Variants in LRRC8D observed in about 807,000 individuals in gnomAD.
LRRC8D encodes the protein leucine rich repeat containing 8 VRAC subunit D, also known as volume-regulated anion channel subunit LRRC8D.
A neutral mutation model predicts 55.8 loss-of-function variants in LRRC8D; 20 were observed. The observed-to-expected ratio is 0.36, with a 90% confidence interval of 0.25 to 0.52. The LOEUF is 0.52. LRRC8D is among the 20% of genes least tolerant of loss of function. The pLI, the probability that LRRC8D is intolerant of heterozygous loss-of-function variation, is 0.93. For missense variants in LRRC8D, 651 were observed against 1,030.8 expected, an observed-to-expected ratio of 0.63 and a Z score of 5.05; for synonymous variants, 352 against 377.0, an observed-to-expected ratio of 0.93 and a Z score of 0.77.
chr1:89,864,752 A>T (rs978132228), intron 2 of LRRC8D, among the ~76,000 whole-genome samples: 1 of 152,170 alleles, frequency 6.6e-6, no homozygotes, highest in Non-Finnish European at 1.5e-5. Flanking sequence ...TTGCCGCAGG[A>T]AACCTCAGCC....
chr1:89,860,756 CAAAAAAAAAAA>C (rs1181859656), intron 2 of LRRC8D, among the ~76,000 whole-genome samples: 1 of 18,846 alleles, frequency 5.3e-5, no homozygotes, highest in African/African-American at 2.3e-4. Flanking sequence ...GACTCTATCT[CAAAAAAAAAAA>C]AAAAAAAAAA....
intron 2 of LRRC8D, among the ~76,000 whole-genome samples, chr1:89,872,147 T>A (rs1002054571): frequency 6.6e-6 from 1 of 152,242 alleles, no homozygotes; most frequent in African/African-American, 2.4e-5. Flanking sequence ...TTGGGACAAG[T>A]GCCATAGTTT....
intron 2 of LRRC8D, among the ~76,000 whole-genome samples, chr1:89,849,094 T>G (rs1042952675): frequency 3.3e-5 from 5 of 152,196 alleles, no homozygotes; most frequent in Non-Finnish European, 7.3e-5. Flanking sequence ...TTGTGCAGTC[T>G]CCAACACTAA....
chr1:89,889,797 C>T (rs374225295), intron 2 of LRRC8D, among the ~76,000 whole-genome samples: 3 of 137,076 alleles, frequency 2.2e-5, no homozygotes, highest in South Asian at 2.4e-4. Context: ...GTAGGAGGAT[C>T]GCTTGAGCCT....
At chr1:89,919,014 A>G (rs1663346802) in intron 2 of LRRC8D, among the ~76,000 whole-genome samples, 1 of 152,146 alleles carries the variant, frequency 6.6e-6, no homozygotes, top group Non-Finnish European at 1.5e-5. Flanking sequence ...CTGTCCTCCC[A>G]TTAGGTGGAG....
At chr1:89,925,047 G>A (rs1429295706) in intron 2 of LRRC8D, among the ~76,000 whole-genome samples, 3 of 152,090 alleles carry the variant, frequency 2.0e-5, no homozygotes, top group Admixed American at 6.5e-5. Flanking sequence ...GAACCGGGTC[G>A]CACAGCACCA....
chr1:89,879,019 A>T (rs991056672), intron 2 of LRRC8D, among the ~76,000 whole-genome samples: 2 of 150,504 alleles, frequency 1.3e-5, no homozygotes, highest in Non-Finnish European at 2.9e-5. Context: ...GAAGGACTGG[A>T]TTGCGCAGTA....
In LRRC8D at chr1:89,934,616, A is replaced by G; in HGVS notation, c.1548A>G (p.Gln516=). 6.2e-7 allele frequency: 1 copy of G among 1,614,182 alleles called. No individual in the cohort carries two copies. Among genetic ancestry groups the G allele is most frequent in the Non-Finnish European group, 8.5e-7 (1 of 1,180,036 alleles). Residue 516 remains glutamine (Q), a synonymous_variant, in exon 3 of 3, where the codon CAA becomes CAG. Coordinates refer to ENST00000337338, the MANE Select transcript of LRRC8D (RefSeq NM_001134479.2). This position sits in a 1 kb window ranked among gnomAD's most constrained non-coding sequence, Gnocchi z 5.9. The stretch of plus-strand genomic sequence containing the variant: ...AGATTTCTCAAATGACTAACCTCCA[A>G]GAGCTCCACCTCTGCCACTGCCCTG... ...PAKISQMTNL[Q]ELHLCHCPAK...
chr1:89,928,156 G>A (rs1349308983), intron 2 of LRRC8D, among the ~76,000 whole-genome samples: 2 of 152,234 alleles, frequency 1.3e-5, no homozygotes, highest in East Asian at 1.9e-4. Context: ...TGCAACCTCC[G>A]CCACCCGGTT....
At chr1:89,859,858 TTCCAAGAGG>T (rs1263323933) in intron 2 of LRRC8D, among the ~76,000 whole-genome samples, 1 of 152,232 alleles carries the variant, frequency 6.6e-6, no homozygotes, top group East Asian at 1.9e-4. Context: ...CATTTTGTGC[TTCCAAGAGG>T]TGGTTGTAAA....
intron 2 of LRRC8D, among the ~76,000 whole-genome samples, chr1:89,906,100 TC>T: frequency 6.6e-6 from 1 of 152,332 alleles, no homozygotes; most frequent in East Asian, 1.9e-4. Flanking sequence ...GCCGCATTGT[TC>T]CCTGGTGTTT....
At position 89,935,170 on chromosome 1, in the gene LRRC8D, C is replaced by CT; in HGVS notation, c.2103dup (p.Ile702TyrfsTer14). On this transcript the variant is annotated frameshift_variant, in exon 3 of 3. Coordinates refer to ENST00000337338, the MANE Select transcript of LRRC8D (RefSeq NM_001134479.2). LOFTEE classifies it high-confidence loss of function. ...AACAAAATTGTTACTATTCCTCCCTCTATTACCCATGTCAAAAACTTGGAG... is the reference window on the plus strand; with the variant it reads ...AACAAAATTGTTACTATTCCTCCCTCTTATTACCCATGTCAAAAACTTGGAG... 1 of 1,614,206 alleles carries CT rather than the reference C, an allele frequency of 6.2e-7. No homozygotes were observed. The highest frequency in any genetic ancestry group is 8.5e-7 in the Non-Finnish European group (1 of 1,180,038).
At chr1:89,923,520 T>A (rs932877827) in intron 2 of LRRC8D, among the ~76,000 whole-genome samples, 3 of 152,174 alleles carry the variant, frequency 2.0e-5, no homozygotes, top group African/African-American at 7.2e-5. Context: ...AAGCAATATG[T>A]AGATACAGTG....
At chr1:89,904,381 A>G (rs1297932898) in intron 2 of LRRC8D, among the ~76,000 whole-genome samples, 3 of 152,230 alleles carry the variant, frequency 2.0e-5, no homozygotes, top group Non-Finnish European at 4.4e-5. Context: ...TTTTAGAGAT[A>G]TCAGCTGCCT....
intron 2 of LRRC8D, among the ~76,000 whole-genome samples, chr1:89,908,145 G>A (rs779840623): frequency 6.6e-5 from 10 of 152,178 alleles, no homozygotes; most frequent in Non-Finnish European, 1.3e-4. Flanking sequence ...CCACCCAACT[G>A]TATCATTTTA....
intron 1 of LRRC8D, among the ~76,000 whole-genome samples, chr1:89,829,137 T>G (rs573772689): frequency 4.5e-4 from 68 of 152,376 alleles, no homozygotes; most frequent in African/African-American, 1.5e-3. Flanking sequence ...GCAATGGCAC[T>G]CTACTGAGTA....
intron 2 of LRRC8D, among the ~76,000 whole-genome samples, chr1:89,880,239 C>T (rs1662249024): frequency 6.7e-6 from 1 of 149,786 alleles, no homozygotes; most frequent in Non-Finnish European, 1.5e-5. Context: ...GAACTGCATA[C>T]GAGATGAGAA....
Position 89,911,784 on chromosome 1 carries a change from C to A in LRRC8D, c.-2-21283C>A, listed in dbSNP as rs578170018. On this transcript the variant is annotated intron_variant, in intron 2 of 2. Coordinates refer to ENST00000337338, the MANE Select transcript of LRRC8D (RefSeq NM_001134479.2). This position sits in a 1 kb window ranked among gnomAD's most constrained non-coding sequence, Gnocchi z 4.0. ...TCCAGCGGTCACTTTTGCCCCTTAACGTGCGTGACTTGCTTTTGACACCTG... is the reference window on the plus strand; with the variant it reads ...TCCAGCGGTCACTTTTGCCCCTTAAAGTGCGTGACTTGCTTTTGACACCTG... Among the ~76,000 whole-genome samples the A allele has an allele frequency of 6.6e-6, 1 of 152,206 alleles. No individual in the cohort carries two copies. Among genetic ancestry groups the A allele is most frequent in the Admixed American group, 6.5e-5 (1 of 15,282 alleles).
chr1:89,901,100 C>T (rs1272531609), intron 2 of LRRC8D, among the ~76,000 whole-genome samples: 4 of 152,234 alleles, frequency 2.6e-5, no homozygotes, highest in Non-Finnish European at 5.9e-5. Flanking sequence ...CAAATGGCTT[C>T]ATCAAAAACA....
Sources: gnomAD v4.1 joint callset for allele counts (sites outside exome capture counted in the v4.1 genomes callset) on GRCh38, gnomAD v4.1.1 for gene constraint, Gnocchi (gnomAD v3.1) non-coding constraint, MANE v1.5 for transcripts, NCBI Gene and HGNC (gene_info 2026-07-23, HGNC 2026-07-21) for gene names.